Variants in OPCML observed in about 807,000 individuals in gnomAD.
OPCML encodes the protein opioid-binding protein/cell adhesion molecule.
Under a neutral mutation model 37.8 loss-of-function variants are expected in OPCML, and 13 were observed. That is an observed-to-expected ratio of 0.34 (90% CI 0.22 to 0.55). The LOEUF (loss-of-function observed/expected upper bound fraction) is 0.55. Ranked by LOEUF, OPCML falls within the 20% of genes least tolerant of loss-of-function variation. The pLI is 0.91. For synonymous variants in OPCML, 176 were observed against 168.8 expected, an observed-to-expected ratio of 1.04 and a Z score of -0.33; for missense variants, 341 against 435.6, an observed-to-expected ratio of 0.78 and a Z score of 1.93.
chr11:132,901,405 G>A (rs916784697), intron 2 of OPCML, among the ~76,000 whole-genome samples: 28 of 152,136 alleles, frequency 1.8e-4, no homozygotes, highest in Non-Finnish European at 3.5e-4. Context: ...TTTCTAAAGC[G>A]TGCAATGGGA....
intron 1 of OPCML, among the ~76,000 whole-genome samples, chr11:133,061,759 A>G (rs967035686): frequency 1.3e-5 from 2 of 152,322 alleles, no homozygotes; most frequent in African/African-American, 4.8e-5. Flanking sequence ...TTAATGTGCT[A>G]TGCAAAAGGG....
chr11:133,515,515 A>G (rs1948247651), intron 1 of OPCML, among the ~76,000 whole-genome samples: 1 of 152,218 alleles, frequency 6.6e-6, no homozygotes, highest in Non-Finnish European at 1.5e-5. Context: ...GCCATGCCAT[A>G]GGGATAATAG....
intron 4 of OPCML, among the ~76,000 whole-genome samples, chr11:132,441,165 G>GTTTTTTTTTTGTTTTTTTTT (rs2096031953): frequency 2.8e-5 from 2 of 72,402 alleles, no homozygotes; most frequent in African/African-American, 2.2e-4. Context: ...GGACTTTTTT[G>GTTTTTTTTTTGTTTTTTTTT]TTTTTTTTTT....
chr11:133,313,145 G>A (rs750611521), intron 1 of OPCML, among the ~76,000 whole-genome samples: 4 of 152,036 alleles, frequency 2.6e-5, no homozygotes, highest in African/African-American at 9.7e-5. Context: ...CATCCCCATC[G>A]CCATATAAAT....
At chr11:133,272,802 G>C (rs1941888009) in intron 1 of OPCML, among the ~76,000 whole-genome samples, 1 of 152,212 alleles carries the variant, frequency 6.6e-6, no homozygotes, top group African/African-American at 2.4e-5. Flanking sequence ...TCTTTGAGAA[G>C]AAAGCCTCTG....
intron 1 of OPCML, among the ~76,000 whole-genome samples, chr11:133,488,310 G>A (rs1307388722): frequency 6.6e-6 from 1 of 152,070 alleles, no homozygotes; most frequent in Non-Finnish European, 1.5e-5. Flanking sequence ...AATTGGAAAA[G>A]AAGAAGTCAC....
At chr11:133,512,809 A>G (rs932774001) in intron 1 of OPCML, among the ~76,000 whole-genome samples, 32 of 152,350 alleles carry the variant, frequency 2.1e-4, no homozygotes, top group African/African-American at 7.7e-4. Context: ...AACCAGAGCC[A>G]AAGACCAAAT....
At chr11:132,607,399 C>T (rs187157877) in intron 3 of OPCML, among the ~76,000 whole-genome samples, 37 of 152,270 alleles carry the variant, frequency 2.4e-4, no homozygotes, top group Admixed American at 2.1e-3. Context: ...ATATTTCCCA[C>T]GGAGCTTTTG....
chr11:133,109,428 C>G (rs1949217265), intron 1 of OPCML, among the ~76,000 whole-genome samples: 1 of 151,966 alleles, frequency 6.6e-6, no homozygotes, highest in Admixed American at 6.5e-5. Context: ...GCCCTTTTTT[C>G]AATCCTCCCT....
At chr11:132,692,351 G>A (rs558524018) in intron 2 of OPCML, among the ~76,000 whole-genome samples, 19 of 152,198 alleles carry the variant, frequency 1.2e-4, no homozygotes, top group Middle Eastern at 3.4e-3. Context: ...ATTAACACTC[G>A]TTGCCATGCA....
At chr11:132,841,662 A>G (rs978704638) in intron 2 of OPCML, among the ~76,000 whole-genome samples, 2 of 151,976 alleles carry the variant, frequency 1.3e-5, no homozygotes, top group African/African-American at 2.4e-5. Context: ...GGAGTTCGAG[A>G]CCAGCCTGGC....
chr11:133,281,566 T>A (rs1468017632), intron 1 of OPCML, among the ~76,000 whole-genome samples: 1 of 152,034 alleles, frequency 6.6e-6, no homozygotes, highest in Non-Finnish European at 1.5e-5. Context: ...AAAAATGGAC[T>A]AACACAAAAA....
chr11:133,095,277 G>GGTTTT (rs1436840437), intron 1 of OPCML, among the ~76,000 whole-genome samples: 3 of 44,202 alleles, frequency 6.8e-5, no homozygotes, highest in African/African-American at 2.8e-4. Context: ...TAATGTAAAT[G>GGTTTT]TTTTTTTTTT....
intron 4 of OPCML, among the ~76,000 whole-genome samples, chr11:132,459,580 G>A (rs2096094138): frequency 6.6e-6 from 1 of 150,470 alleles, no homozygotes; most frequent in Admixed American, 6.7e-5. Flanking sequence ...GAGAGAGAGA[G>A]ATCCTACTGG....
At chr11:132,797,243 A>T (rs954247796) in intron 2 of OPCML, among the ~76,000 whole-genome samples, 1 of 152,240 alleles carries the variant, frequency 6.6e-6, no homozygotes, top group South Asian at 2.1e-4. Flanking sequence ...TTCAGCTCAT[A>T]CATGCAGGTC....
rs549276129 is a variant in OPCML, at chr11:132,762,153, G to A, written c.147-104834C>T. ...TCATCAGCGGGAGCTGCAGAACAGC[G>A]AAGATTGCTGCCTGCTCCTTCCTCT... On this transcript the variant is annotated intron_variant, in intron 2 of 7. Transcript: ENST00000524381. 7.2e-5 allele frequency among the ~76,000 whole-genome samples: 11 copies of A among 152,314 alleles called. No individual in the cohort carries two copies. In the South Asian group the frequency reaches 1.5e-3, roughly 20 times the overall value.
chr11:132,563,345 A>G (rs1420007957), intron 3 of OPCML, among the ~76,000 whole-genome samples: 2 of 152,090 alleles, frequency 1.3e-5, no homozygotes, highest in Non-Finnish European at 2.9e-5. Context: ...ATTTGCATCT[A>G]TAAGTGTGAG....
chr11:132,717,040 C>G (rs1193304829), intron 2 of OPCML, among the ~76,000 whole-genome samples: 1 of 152,064 alleles, frequency 6.6e-6, no homozygotes, highest in Non-Finnish European at 1.5e-5. Flanking sequence ...CATGGAGATA[C>G]TCTGGACATG....
At chr11:132,463,925 T>C (rs1383366108) in intron 4 of OPCML, among the ~76,000 whole-genome samples, 1 of 152,226 alleles carries the variant, frequency 6.6e-6, no homozygotes. Context: ...AGCCATGTAG[T>C]CTTGGGCAAG....
Sources: allele counts gnomAD v4.1 joint callset (sites outside exome capture counted in the v4.1 genomes callset), GRCh38; gene constraint gnomAD v4.1.1; transcripts MANE v1.5; gene names NCBI Gene and HGNC (gene_info 2026-07-23, HGNC 2026-07-21).